KCND3: variants seen among roughly 807,000 people sequenced by gnomAD.
KCND3 encodes A-type voltage-gated potassium channel KCND3.
Under a neutral mutation model 51.1 loss-of-function variants are expected in KCND3, and 9 were observed. The observed-to-expected ratio is 0.18, with a 90% CI of 0.11 to 0.31. KCND3 has a LOEUF of 0.31. Among genes scored for constraint, KCND3 ranks in the 10% least tolerant of loss-of-function variants. The pLI, the probability that KCND3 is intolerant of heterozygous loss-of-function variation, is 1.00. For synonymous variants in KCND3, 349 were observed against 368.0 expected (o/e 0.95, Z 0.59); for missense variants, 526 against 903.8 (o/e 0.58, Z 5.36).
intron 2 of KCND3, among the ~76,000 whole-genome samples, chr1:111,902,031 A>T (rs1363841438): frequency 6.6e-6 from 1 of 152,180 alleles, no homozygotes; most frequent in Non-Finnish European, 1.5e-5. Context: ...TTACTTACTA[A>T]AGCACAAAAA....
intron 6 of KCND3, 105 bp downstream of exon 6, chr1:111,778,331 C>T (rs754320133): frequency 3.1e-5 from 32 of 1,044,678 alleles, no homozygotes; most frequent in Non-Finnish European, 4.5e-5. Context: ...CCAGAAGAAT[C>T]AGCAGCACAT....
chr1:111,833,946 G>T (rs755624435), intron 2 of KCND3, among the ~76,000 whole-genome samples: 7 of 152,194 alleles, frequency 4.6e-5, no homozygotes, highest in Non-Finnish European at 1.0e-4. Flanking sequence ...CCAGGGCCTG[G>T]ATTCAGGGCC....
chr1:111,963,550 TG>T (rs1172783800), intron 2 of KCND3, among the ~76,000 whole-genome samples: 4 of 152,380 alleles, frequency 2.6e-5, no homozygotes, highest in Admixed American at 1.3e-4. Context: ...GAACATGACC[TG>T]GTCCACCGTA....
intron 2 of KCND3, among the ~76,000 whole-genome samples, chr1:111,860,513 A>G (rs1346706967): frequency 1.3e-5 from 2 of 152,156 alleles, no homozygotes; most frequent in African/African-American, 4.8e-5. Context: ...AATTTGGAGC[A>G]TGGTTACAGC....
intron 2 of KCND3, among the ~76,000 whole-genome samples, chr1:111,938,155 G>A (rs1672310730): frequency 6.6e-6 from 1 of 152,174 alleles, no homozygotes. Flanking sequence ...AAGAAACCCT[G>A]GAAATCATCA....
At chr1:111,846,528 C>T (rs1667559536) in intron 2 of KCND3, among the ~76,000 whole-genome samples, 1 of 152,132 alleles carries the variant, frequency 6.6e-6, no homozygotes, top group African/African-American at 2.4e-5. Flanking sequence ...AGCCTATGGA[C>T]AATGGAGCTA....
chr1:111,818,024 A>G (rs1666173325), intron 2 of KCND3, among the ~76,000 whole-genome samples: 2 of 147,856 alleles, frequency 1.4e-5, no homozygotes, highest in Admixed American at 1.4e-4. Context: ...AGCTGTTCCC[A>G]TAGGCACACG....
At chr1:111,777,527 A>T (rs1471138405) in intron 6 of KCND3, among the ~76,000 whole-genome samples, 1 of 152,250 alleles carries the variant, frequency 6.6e-6, no homozygotes, top group African/African-American at 2.4e-5. Context: ...ATGATGTGAC[A>T]TATACTTCAC....
intron 2 of KCND3, among the ~76,000 whole-genome samples, chr1:111,821,064 G>A (rs548236243): frequency 3.3e-5 from 5 of 152,298 alleles, no homozygotes; most frequent in African/African-American, 1.2e-4. Flanking sequence ...ACATTGTTAT[G>A]GCAGCCCTAA....
intron 2 of KCND3, chr1:111,853,685 C>A (rs376098469): frequency 6.6e-6 from 1 of 152,234 alleles, no homozygotes; most frequent in African/African-American, 2.4e-5. Flanking sequence ...AGAGTGTAAG[C>A]TCCATGCGGG....
chr1:111,836,363 G>A (rs563588653), intron 2 of KCND3, among the ~76,000 whole-genome samples: 9 of 152,264 alleles, frequency 5.9e-5, no homozygotes, highest in South Asian at 2.1e-4. Flanking sequence ...CAGCCCGATC[G>A]CACTCCCTCC....
At chr1:111,782,057 C>G (rs1664412407) in intron 3 of KCND3, among the ~76,000 whole-genome samples, 1 of 152,178 alleles carries the variant, frequency 6.6e-6, no homozygotes, top group Non-Finnish European at 1.5e-5. Context: ...TAGAAGGTCC[C>G]TCCTCCTGGC....
chr1:111,966,373 C>T (rs1386294757), intron 2 of KCND3, among the ~76,000 whole-genome samples: 3 of 152,078 alleles, frequency 2.0e-5, no homozygotes, highest in Non-Finnish European at 4.4e-5. Context: ...GGAAGAAAAA[C>T]AAGTTGGTGA....
rs551805368 is a variant in KCND3, at chr1:111,772,050, G to A, written c.*4027C>T. 4.6e-5 allele frequency: 7 copies of A among 152,234 alleles called. No homozygotes were observed. The South Asian group carries it at 1.0e-3, about 23-fold the overall frequency. 9.4% of individuals were successfully genotyped at this position (152,234 alleles called of 1,614,324 possible). On this transcript the variant is annotated 3_prime_UTR_variant, in exon 8 of 8. Coordinates refer to ENST00000302127, the MANE Select transcript of KCND3 (RefSeq NM_001378969.1). ...ATGTGGAGGAAAAATCCTAGGACAA[G>A]ATGTCTTAAGTCCTGGATTGCAATA...
intron 2 of KCND3, among the ~76,000 whole-genome samples, chr1:111,798,439 GC>G (rs1665153728): frequency 6.6e-6 from 1 of 152,018 alleles, no homozygotes; most frequent in Admixed American, 6.6e-5. Context: ...ACTCCTTTAT[GC>G]CCTGACATAC....
chr1:111,911,362 T>C (rs1571839051), intron 2 of KCND3, among the ~76,000 whole-genome samples: 1 of 151,706 alleles, frequency 6.6e-6, no homozygotes, highest in Non-Finnish European at 1.5e-5. Context: ...CACGGAGGAG[T>C]AGGTAAAAAA....
chr1:111,891,211 T>C (rs984903268), intron 2 of KCND3, among the ~76,000 whole-genome samples: 1 of 152,088 alleles, frequency 6.6e-6, no homozygotes, highest in African/African-American at 2.4e-5. Context: ...GTTGGGCACA[T>C]GGGCAGCACA....
chr1:111,821,252 A>G (rs1666334180), intron 2 of KCND3, among the ~76,000 whole-genome samples: 1 of 152,132 alleles, frequency 6.6e-6, no homozygotes, highest in Non-Finnish European at 1.5e-5. Flanking sequence ...TAAATATTTT[A>G]TGGATGGGTG....
chr1:111,839,507 T>C (rs1268460456), intron 2 of KCND3, among the ~76,000 whole-genome samples: 6 of 152,254 alleles, frequency 3.9e-5, no homozygotes, highest in Non-Finnish European at 8.8e-5. Flanking sequence ...CCTTGTTCAT[T>C]TTCCTGCTTC....
Sources: gnomAD v4.1 joint callset for allele counts (sites outside exome capture counted in the v4.1 genomes callset) on GRCh38, gnomAD v4.1.1 for gene constraint, MANE v1.5 for transcripts, NCBI Gene and HGNC (gene_info 2026-07-23, HGNC 2026-07-21) for gene names.